Variants in SFMBT2 observed in about 807,000 individuals in gnomAD.
The protein encoded by SFMBT2 is scm-like with four MBT domains protein 2.
Under a neutral mutation model 110.1 loss-of-function variants are expected in SFMBT2, and 38 were observed. The observed-to-expected ratio is 0.35, with a 90% confidence interval of 0.27 to 0.45. The LOEUF is 0.45. Among genes scored for constraint, SFMBT2 ranks in the 20% least tolerant of loss-of-function variants. The probability of loss-of-function intolerance (pLI) is 1.00; values close to 1 mark genes in which losing one functional copy is unlikely to be tolerated. For synonymous variants in SFMBT2, 425 were observed against 425.4 expected, an observed-to-expected ratio of 1.00 and a Z score of 0.01; for missense variants, 1,011 against 1,094.9, an observed-to-expected ratio of 0.92 and a Z score of 1.08.
At chr10:7,169,308 G>C (rs1459269174) in intron 20 of SFMBT2, among the ~76,000 whole-genome samples, 1 of 152,176 alleles carries the variant, frequency 6.6e-6, no homozygotes, top group Non-Finnish European at 1.5e-5. Context: ...TCTGCAGAAG[G>C]TTCTAGTGGT....
intron 11 of SFMBT2, chr10:7,214,843 A>T: frequency 1.2e-6 from 1 of 801,666 alleles, no homozygotes; most frequent in Non-Finnish European, 1.5e-6. Context: ...TGCCTGTTTT[A>T]ATTTATAACA....
At chr10:7,294,236 G>T (rs1842341171) in intron 4 of SFMBT2, among the ~76,000 whole-genome samples, 1 of 152,122 alleles carries the variant, frequency 6.6e-6, no homozygotes, top group Non-Finnish European at 1.5e-5. Context: ...CCAATAAAAA[G>T]CACGCCAACT....
intron 6 of SFMBT2, among the ~76,000 whole-genome samples, chr10:7,278,385 G>C (rs1841845741): frequency 6.6e-6 from 1 of 152,100 alleles, no homozygotes. Flanking sequence ...AGAGCGAGAG[G>C]GATACCTGTG....
At chr10:7,364,378 T>C (rs984906455) in intron 4 of SFMBT2, among the ~76,000 whole-genome samples, 3 of 152,254 alleles carry the variant, frequency 2.0e-5, no homozygotes, top group African/African-American at 7.2e-5. Context: ...TCATTTTAAG[T>C]GTGACTGTGG....
intron 7 of SFMBT2, among the ~76,000 whole-genome samples, chr10:7,255,522 C>G (rs1840972884): frequency 6.6e-6 from 1 of 152,224 alleles, no homozygotes; most frequent in South Asian, 2.1e-4. Flanking sequence ...ACATTCATCA[C>G]TACCCATTTT....
chr10:7,230,890 C>T (rs1564396581), intron 9 of SFMBT2, among the ~76,000 whole-genome samples: 1 of 152,164 alleles, frequency 6.6e-6, no homozygotes, highest in Non-Finnish European at 1.5e-5. Flanking sequence ...CAACATCACA[C>T]CACTGCACTC....
At chr10:7,350,950 C>T (rs1243130638) in intron 4 of SFMBT2, among the ~76,000 whole-genome samples, 1 of 152,162 alleles carries the variant, frequency 6.6e-6, no homozygotes, top group East Asian at 1.9e-4. Flanking sequence ...TGGGGCTATC[C>T]GCTCCTCTGG....
At chr10:7,383,939 G>A (rs555574436) in intron 1 of SFMBT2, among the ~76,000 whole-genome samples, 22 of 152,102 alleles carry the variant, frequency 1.4e-4, no homozygotes, top group African/African-American at 4.6e-4. Flanking sequence ...GGCTGAGTGC[G>A]GTGGCTCATG....
chr10:7,383,848 T>A (rs1845499574), intron 1 of SFMBT2, among the ~76,000 whole-genome samples: 1 of 152,102 alleles, frequency 6.6e-6, no homozygotes, highest in African/African-American at 2.4e-5. Context: ...ACTTTCCTGA[T>A]TTAAAGTGTG....
chr10:7,300,383 C>T (rs986539646), intron 4 of SFMBT2, among the ~76,000 whole-genome samples: 1 of 152,056 alleles, frequency 6.6e-6, no homozygotes, highest in African/African-American at 2.4e-5. Flanking sequence ...GGAGTATCTG[C>T]CACAGATGGA....
At chr10:7,379,036 TATGCCAGTGGGCTGTTGA>T (rs1170458797) in intron 2 of SFMBT2, among the ~76,000 whole-genome samples, 4 of 152,138 alleles carry the variant, frequency 2.6e-5, no homozygotes, top group African/African-American at 7.2e-5. Flanking sequence ...TAAAAGCAGC[TATGCCAGTGGGCTGTTGA>T]ATGCCAGTGG....
At position 7,385,427 on chromosome 10, in the gene SFMBT2, G is replaced by A. The variant is rs552438255; in HGVS notation, c.-51-3478C>T. Among the ~76,000 whole-genome samples, 180 of 152,300 alleles carry A rather than the reference G, an allele frequency of 1.2e-3. 2 individuals are homozygous for A. Among genetic ancestry groups the A allele is most frequent in the Non-Finnish European group, 2.1e-3 (140 of 68,026 alleles). On this transcript the variant is annotated intron_variant, in intron 1 of 20. Coordinates refer to ENST00000397167, the MANE Select transcript of SFMBT2 (RefSeq NM_001387889.1). ...CACTCAGGGAAAATACCGGGAATGT[G>A]GAGGGGAGAAGGGTGTGCAACTGAA...
At chr10:7,405,425 C>T (rs1846184967) in intron 1 of SFMBT2, among the ~76,000 whole-genome samples, 1 of 152,232 alleles carries the variant, frequency 6.6e-6, no homozygotes, top group South Asian at 2.1e-4. Flanking sequence ...CCTCCATCTT[C>T]TCTACCCTTC....
intron 4 of SFMBT2, among the ~76,000 whole-genome samples, chr10:7,312,036 T>C (rs1174129425): frequency 6.6e-6 from 1 of 151,902 alleles, no homozygotes; most frequent in East Asian, 1.9e-4. Flanking sequence ...ATGAGAACGC[T>C]TGGACACAGG....
At chr10:7,284,486 C>T in intron 5 of SFMBT2, 1 of 994,814 alleles carries the variant, frequency 1.0e-6, no homozygotes. Context: ...AGAGTTCTAC[C>T]CAAATTTGCC....
intron 1 of SFMBT2, among the ~76,000 whole-genome samples, chr10:7,392,990 T>C (rs1845813986): frequency 4.7e-5 from 1 of 21,254 alleles, no homozygotes; most frequent in Admixed American, 3.8e-4. Context: ...AGATTATATA[T>C]ATATATATAT....
intron 15 of SFMBT2, among the ~76,000 whole-genome samples, chr10:7,190,727 G>A (rs1838572773): frequency 6.6e-6 from 1 of 152,206 alleles, no homozygotes; most frequent in Non-Finnish European, 1.5e-5. Flanking sequence ...TTCATTATGT[G>A]CTTGATCAGA....
intron 4 of SFMBT2, among the ~76,000 whole-genome samples, chr10:7,325,425 A>G (rs1355226495): frequency 6.6e-6 from 1 of 152,186 alleles, no homozygotes. Flanking sequence ...CTATTATCAC[A>G]AGGTATCTGC....
intron 14 of SFMBT2, among the ~76,000 whole-genome samples, chr10:7,199,648 A>C (rs1256883170): frequency 6.6e-6 from 1 of 152,216 alleles, no homozygotes; most frequent in Non-Finnish European, 1.5e-5. Context: ...ATTTACATGG[A>C]AATTTTTTGG....
Sources: allele counts gnomAD v4.1 joint callset (sites outside exome capture counted in the v4.1 genomes callset), GRCh38; gene constraint gnomAD v4.1.1; transcripts MANE v1.5; gene names NCBI Gene and HGNC (gene_info 2026-07-23, HGNC 2026-07-21).